The following FLRT2 variants were observed in gnomAD, a reference collection of about 807,000 sequenced individuals.
The protein encoded by FLRT2 is fibronectin leucine rich transmembrane protein 2, also known as leucine-rich repeat transmembrane protein FLRT2.
A neutral mutation model predicts 40.0 loss-of-function variants in FLRT2; 15 were observed. The ratio of observed to expected loss-of-function variants is 0.38; its 90% CI spans 0.25 to 0.58. The LOEUF (loss-of-function observed/expected upper bound fraction) is 0.58. Ranked by LOEUF, FLRT2 falls within the 20% of genes least tolerant of loss-of-function variation. The pLI, the probability that FLRT2 is intolerant of heterozygous loss-of-function variation, is 0.71. For synonymous variants in FLRT2, 380 were observed against 336.8 expected, an observed-to-expected ratio of 1.13 and a Z score of -1.41; for missense variants, 726 against 840.0, an observed-to-expected ratio of 0.86 and a Z score of 1.68.
At position 85,645,157 on chromosome 14, in the gene FLRT2, C is replaced by A. The variant is rs569812364; in HGVS notation, c.*21660C>A. The A allele has an allele frequency of 7.7e-6, 1 of 130,128 alleles. No individual in the cohort carries two copies. The highest frequency in any genetic ancestry group is 2.0e-4 in the East Asian group (1 of 4,942). The allele number at this position is 130,128 out of a possible 1,614,324, so 8.1% of individuals were successfully genotyped here. On this transcript the variant is annotated 3_prime_UTR_variant, in exon 2 of 2. Transcript: ENST00000330753. ...ATCAAGTAAAAAGTATATATATACA[C>A]ACATATGTGTGTATGTATATGTATA...
intron 1 of FLRT2, among the ~76,000 whole-genome samples, chr14:85,558,036 G>A (rs1245844912): frequency 6.6e-6 from 1 of 152,148 alleles, no homozygotes; most frequent in African/African-American, 2.4e-5. Flanking sequence ...GACTTCCGTA[G>A]AAAGCATCTG....
At chr14:85,606,682 G>T (rs1036376234) in intron 1 of FLRT2, among the ~76,000 whole-genome samples, 1 of 151,042 alleles carries the variant, frequency 6.6e-6, no homozygotes, top group Non-Finnish European at 1.5e-5. Context: ...GCACCACCAC[G>T]CCCAGCTAAT....
At chr14:85,534,178 G>A (rs955312628) in intron 1 of FLRT2, among the ~76,000 whole-genome samples, 20 of 152,218 alleles carry the variant, frequency 1.3e-4, no homozygotes, top group African/African-American at 4.8e-4. Context: ...TGTGCTGAGA[G>A]GCAAATTCCC....
chr14:85,577,669 C>G (rs932716629), intron 1 of FLRT2, among the ~76,000 whole-genome samples: 10 of 152,024 alleles, frequency 6.6e-5, no homozygotes, highest in South Asian at 2.1e-4. Flanking sequence ...TTGCTGTAAT[C>G]TGGAACTCCT....
chr14:85,621,477 T>C lies in FLRT2; in HGVS notation c.-38T>C. On this transcript the variant is annotated 5_prime_UTR_variant, in exon 2 of 2. Transcript: ENST00000330753. ...TGTTTATTTTTTTTTTCTTTTTCTTTTTCCCACCACATTGTATTTTATTTC... is the reference window on the plus strand; with the variant it reads ...TGTTTATTTTTTTTTTCTTTTTCTTCTTCCCACCACATTGTATTTTATTTC... 6.5e-7 allele frequency: 1 copy of C among 1,536,104 alleles called. No individual in the cohort carries two copies. Among genetic ancestry groups the C allele is most frequent in the South Asian group, 1.3e-5 (1 of 79,754 alleles).
At chr14:85,537,524 G>A (rs17637496) in intron 1 of FLRT2, among the ~76,000 whole-genome samples, 22,660 of 151,860 alleles carry the variant, frequency 0.15, 2,078 homozygotes, top group Admixed American at 0.21. Flanking sequence ...TACATGTCGC[G>A]AATTGACGTA....
In FLRT2 at chr14:85,647,634, G is replaced by T. The variant is rs1894337582; in HGVS notation, c.*24137G>T. 6.7e-6 allele frequency: 1 copy of T among 149,478 alleles called. No individual in the cohort carries two copies. Among genetic ancestry groups the T allele is most frequent in the African/African-American group, 2.5e-5 (1 of 40,278 alleles). The allele number at this position is 149,478 out of a possible 1,614,324, so 9.3% of individuals were successfully genotyped here. A position where few individuals can be genotyped will look rare whatever the true frequency, so the allele number is the denominator to read the frequency against. ...GTTACGTGTATTAACTGGAACAATTGGTCCTGATTATTAAGGAGAGTAAGT... is the reference window on the plus strand; with the variant it reads ...GTTACGTGTATTAACTGGAACAATTTGTCCTGATTATTAAGGAGAGTAAGT... On this transcript the variant is annotated 3_prime_UTR_variant, in exon 2 of 2. Coordinates refer to ENST00000330753, the MANE Select transcript of FLRT2 (RefSeq NM_013231.6).
chr14:85,579,832 C>A (rs150978594), intron 1 of FLRT2, among the ~76,000 whole-genome samples: 1,588 of 151,950 alleles, frequency 0.01, 7 homozygotes, highest in South Asian at 0.015. Flanking sequence ...AAAAGCGATG[C>A]CACTGGGATA....
intron 1 of FLRT2, among the ~76,000 whole-genome samples, chr14:85,563,648 C>T (rs990815000): frequency 6.6e-6 from 1 of 152,154 alleles, no homozygotes; most frequent in Non-Finnish European, 1.5e-5. Context: ...AGTCCACCTA[C>T]ATGATTCAAT....
intron 1 of FLRT2, among the ~76,000 whole-genome samples, chr14:85,608,181 A>G (rs1035096088): frequency 5.3e-5 from 8 of 152,088 alleles, no homozygotes; most frequent in African/African-American, 1.7e-4. Context: ...GGAACAGTTT[A>G]GTCCATTAAC....
chr14:85,635,830 A>G lies in FLRT2; in HGVS notation c.*12333A>G, dbSNP rs1893986050. On this transcript the variant is annotated 3_prime_UTR_variant, in exon 2 of 2. Transcript: ENST00000330753. Reference sequence around the variant, plus strand: ...AGCTAACAATGAAATGTTCATTTCAAAATGTTTAGTCTTTAAAGCGGTTAC... The same window carrying G: ...AGCTAACAATGAAATGTTCATTTCAGAATGTTTAGTCTTTAAAGCGGTTAC... 1 of 152,144 alleles carries G rather than the reference A, an allele frequency of 6.6e-6. No individual in the cohort carries two copies. Among genetic ancestry groups the G allele is most frequent in the Non-Finnish European group, 1.5e-5 (1 of 67,972 alleles). 9.4% of individuals were successfully genotyped at this position (152,144 alleles called of 1,614,324 possible).
chr14:85,548,917 A>AGAGCAGCT (rs1889441743), intron 1 of FLRT2, among the ~76,000 whole-genome samples: 1 of 152,212 alleles, frequency 6.6e-6, no homozygotes, highest in South Asian at 2.1e-4. Flanking sequence ...GCAGAGCAGC[A>AGAGCAGCT]GAGCAGCTGA....
At chr14:85,592,950 A>G (rs900990822) in intron 1 of FLRT2, among the ~76,000 whole-genome samples, 9 of 152,160 alleles carry the variant, frequency 5.9e-5, no homozygotes, top group African/African-American at 1.9e-4. Flanking sequence ...TAGTCATTCT[A>G]TAATATTTTC....
rs184252133 is a variant in FLRT2, at chr14:85,542,572, T to A, written c.-377+12038T>A. 2.1e-3 allele frequency among the ~76,000 whole-genome samples: 316 copies of A among 152,304 alleles called. 1 individual carries two copies. Among genetic ancestry groups the A allele is most frequent in the African/African-American group, 7.3e-3 (305 of 41,566 alleles). On this transcript the variant is annotated intron_variant, in intron 1 of 1. Coordinates refer to ENST00000330753, the MANE Select transcript of FLRT2 (RefSeq NM_013231.6). The stretch of plus-strand genomic sequence containing the variant: ...TGTATTTTGTAAGCTGTTAACATCT[T>A]AGTAAGTAGCTTCTGAACCAACATT...
In FLRT2 at chr14:85,636,400, A is replaced by AAAC. The variant is rs1555373237; in HGVS notation, c.*12905_*12906insCAA. On this transcript the variant is annotated 3_prime_UTR_variant, in exon 2 of 2. Coordinates refer to ENST00000330753, the MANE Select transcript of FLRT2 (RefSeq NM_013231.6). The stretch of plus-strand genomic sequence containing the variant: ...GTGAAGTCACCTGCAGAAAAAAAAA[A>AAAC]AAAAAAAACAAAAAACATTCTTATT... 4.8e-5 allele frequency: 7 copies of AAAC among 145,616 alleles called. No individual in the cohort carries two copies. The highest frequency in any genetic ancestry group is 2.0e-4 in the East Asian group (1 of 5,116). 9.0% of individuals were successfully genotyped at this position (145,616 alleles called of 1,614,324 possible).
chr14:85,643,093 C>A lies in FLRT2; in HGVS notation c.*19596C>A. The A allele has an allele frequency of 6.6e-6, 1 of 152,172 alleles. No homozygotes were observed. Among genetic ancestry groups the A allele is most frequent in the Non-Finnish European group, 1.5e-5 (1 of 68,028 alleles). The allele number at this position is 152,172 out of a possible 1,614,324, so 9.4% of individuals were successfully genotyped here. A position where few individuals can be genotyped will look rare whatever the true frequency, so the allele number is the denominator to read the frequency against. On this transcript the variant is annotated 3_prime_UTR_variant, in exon 2 of 2. Transcript: ENST00000330753. ...TTATTCTCAACATGAGGGCTCCACCCTTATGGATTAATTGCCTCCCAAAGG... is the reference window on the plus strand; with the variant it reads ...TTATTCTCAACATGAGGGCTCCACCATTATGGATTAATTGCCTCCCAAAGG...
rs190108700 is a variant in FLRT2, at chr14:85,652,302, T to A, written c.*28805T>A. On this transcript the variant is annotated 3_prime_UTR_variant, in exon 2 of 2. Coordinates refer to ENST00000330753, the MANE Select transcript of FLRT2 (RefSeq NM_013231.6). ...TTAAGTGCTCTGATATGCAGTAATA[T>A]TTATATTGAGAAGCAACTTTTTTAA... 1.3e-5 allele frequency: 2 copies of A among 152,234 alleles called. No individual in the cohort carries two copies. Among genetic ancestry groups the A allele is most frequent in the East Asian group, 3.9e-4 (2 of 5,178 alleles). The allele number at this position is 152,234 out of a possible 1,614,324, so 9.4% of individuals were successfully genotyped here.
intron 1 of FLRT2, among the ~76,000 whole-genome samples, chr14:85,584,640 C>G (rs556057547): frequency 1.3e-5 from 2 of 152,178 alleles, no homozygotes; most frequent in Admixed American, 1.3e-4. Flanking sequence ...AGGTCCTGCC[C>G]GGGCTGAGCA....
Position 85,643,334 on chromosome 14 carries a change from TCTTTCTTTCTTTCTTTCTTTCTTC to T in FLRT2, c.*19841_*19864del, listed in dbSNP as rs1244955153. ...TTCTTTCTTTCTTTCTTTCTTTCTTTCTTTCTTTCTTTCTTTCTTTCTTCCTTCCTTCCTTCCTTCCTTTCTTTC... is the reference window on the plus strand; with the variant it reads ...TTCTTTCTTTCTTTCTTTCTTTCTTTCTTCCTTCCTTCCTTCCTTTCTTTC... On this transcript the variant is annotated 3_prime_UTR_variant, in exon 2 of 2. Coordinates refer to ENST00000330753, the MANE Select transcript of FLRT2 (RefSeq NM_013231.6). The T allele has an allele frequency of 6.9e-5, 8 of 115,136 alleles. No homozygotes were observed. Among genetic ancestry groups the T allele is most frequent in the African/African-American group, 2.9e-4 (8 of 27,178 alleles). The allele number at this position is 115,136 out of a possible 1,614,324, so 7.1% of individuals were successfully genotyped here.
Sources: gnomAD v4.1 joint callset for allele counts (sites outside exome capture counted in the v4.1 genomes callset) on GRCh38, gnomAD v4.1.1 for gene constraint, MANE v1.5 for transcripts, NCBI Gene and HGNC (gene_info 2026-07-23, HGNC 2026-07-21) for gene names.